The following ACYP2 variants were observed in gnomAD, a reference collection of about 807,000 sequenced individuals.
The protein encoded by ACYP2 is acylphosphatase 2.
ACYP2 carries 12 observed loss-of-function variants against 11.2 expected under a neutral mutation model. The ratio of observed to expected loss-of-function variants is 1.08; its 90% confidence interval spans 0.69 to 1.74. The LOEUF (loss-of-function observed/expected upper bound fraction) is 1.74, where lower values mean the gene tolerates loss of function less well. Among genes scored for constraint, ACYP2 ranks in the 40% most tolerant of loss-of-function variants. ACYP2 has a pLI of 0.00. For synonymous variants in ACYP2, 43 were observed against 32.2 expected (o/e 1.33, Z -1.13); for missense variants, 134 against 101.9 (o/e 1.31, Z -1.35).
intron 5 of ACYP2, 42 bp from the exon 3 acceptor site, chr2:54,138,597 T>C (rs2103782930): frequency 6.6e-7 from 1 of 1,509,112 alleles, no homozygotes; most frequent in South Asian, 1.2e-5. Flanking sequence ...AACTCAGACT[T>C]TTGATGCTGC....
chr2:54,257,344 C>CA (rs1447775478), intron 6 of ACYP2, among the ~76,000 whole-genome samples: 1 of 152,118 alleles, frequency 6.6e-6, no homozygotes, highest in African/African-American at 2.4e-5. Context: ...CTAATTGACC[C>CA]AGCACTGTTT....
chr2:54,048,096 T>C (rs1397340695), intron 2 of ACYP2, among the ~76,000 whole-genome samples: 2 of 152,206 alleles, frequency 1.3e-5, no homozygotes, highest in Admixed American at 6.5e-5. Context: ...CATTTAGAGA[T>C]GATTTTTCCT....
chr2:54,160,869 TG>T (rs1682680217), intron 6 of ACYP2, among the ~76,000 whole-genome samples: 2 of 152,148 alleles, frequency 1.3e-5, no homozygotes, highest in African/African-American at 4.8e-5. Context: ...GAAGGGAGAT[TG>T]GAATCAAGGA....
At chr2:54,246,109 G>T (rs1339869768) in intron 6 of ACYP2, among the ~76,000 whole-genome samples, 1 of 152,112 alleles carries the variant, frequency 6.6e-6, no homozygotes, top group African/African-American at 2.4e-5. Context: ...TTATTGAAAA[G>T]ATTGTTCTTT....
intron 4 of ACYP2, among the ~76,000 whole-genome samples, chr2:54,081,880 G>A (rs1173164471): frequency 2.0e-5 from 3 of 152,190 alleles, no homozygotes; most frequent in African/African-American, 4.8e-5. Context: ...GCGGTTGGCT[G>A]GCTTATCAGC....
At chr2:54,199,039 C>T (rs778801828) in intron 6 of ACYP2, among the ~76,000 whole-genome samples, 1 of 152,142 alleles carries the variant, frequency 6.6e-6, no homozygotes, top group Non-Finnish European at 1.5e-5. Context: ...GGAAGTAACA[C>T]AAATAAGAGA....
At chr2:54,003,115 A>AT (rs1262355599) in intron 2 of ACYP2, among the ~76,000 whole-genome samples, 1 of 151,548 alleles carries the variant, frequency 6.6e-6, no homozygotes, top group African/African-American at 2.4e-5. Context: ...TGCACAGCTA[A>AT]TTTTTTTATT....
intron 6 of ACYP2, among the ~76,000 whole-genome samples, chr2:54,266,208 A>G (rs1442170296): frequency 6.6e-6 from 1 of 152,236 alleles, no homozygotes; most frequent in Non-Finnish European, 1.5e-5. Context: ...TTTTAGTATT[A>G]CTTGTGAATA....
chr2:54,287,971 G>A (rs1253227714), intron 6 of ACYP2, among the ~76,000 whole-genome samples: 1 of 151,874 alleles, frequency 6.6e-6, no homozygotes, highest in Non-Finnish European at 1.5e-5. Context: ...TGATTGTCTT[G>A]GAGAACATAA....
At chr2:54,250,541 T>C (rs933734669) in intron 6 of ACYP2, among the ~76,000 whole-genome samples, 13 of 152,094 alleles carry the variant, frequency 8.5e-5, no homozygotes, top group Admixed American at 5.9e-4. Flanking sequence ...AAAGAGAAAA[T>C]TGTGCCACTG....
chr2:54,100,088 CT>C (rs1678812868), intron 4 of ACYP2, among the ~76,000 whole-genome samples: 1 of 152,158 alleles, frequency 6.6e-6, no homozygotes, highest in African/African-American at 2.4e-5. Context: ...GTATCACATA[CT>C]CTTTTCTGTA....
intron 6 of ACYP2, among the ~76,000 whole-genome samples, chr2:54,243,726 C>T (rs772873958): frequency 4.6e-5 from 7 of 152,026 alleles, no homozygotes; most frequent in African/African-American, 2.4e-5. Flanking sequence ...CATGCCACCA[C>T]GGCTGGTTAA....
chr2:54,054,451 C>G (rs1328730389), intron 3 of ACYP2, among the ~76,000 whole-genome samples: 1 of 152,188 alleles, frequency 6.6e-6, no homozygotes, highest in African/African-American at 2.4e-5. Context: ...TGATATTCTG[C>G]TGACAGATTG....
At chr2:54,002,181 C>A (rs1162766183) in intron 2 of ACYP2, among the ~76,000 whole-genome samples, 1 of 152,196 alleles carries the variant, frequency 6.6e-6, no homozygotes, top group African/African-American at 2.4e-5. Flanking sequence ...TCTCCCTTAA[C>A]ACCTGGCAAC....
intron 2 of ACYP2, among the ~76,000 whole-genome samples, chr2:53,982,116 G>A (rs1240568272): frequency 2.0e-5 from 3 of 151,200 alleles, no homozygotes; most frequent in Non-Finnish European, 4.4e-5. Flanking sequence ...AATAACTAAT[G>A]CACAAAGAGG....
chr2:54,145,337 C>G (rs1558567765), intron 6 of ACYP2, among the ~76,000 whole-genome samples: 2 of 152,148 alleles, frequency 1.3e-5, no homozygotes, highest in Non-Finnish European at 2.9e-5. Context: ...CTGCAAGTAA[C>G]AGGATACCTG....
chr2:54,248,069 AAC>A (rs1387844996), intron 6 of ACYP2, among the ~76,000 whole-genome samples: 3 of 152,216 alleles, frequency 2.0e-5, no homozygotes, highest in African/African-American at 7.2e-5. Context: ...AACTTTTATT[AAC>A]TTAAAGAATA....
chr2:54,123,298 A>C (rs1680265188), intron 4 of ACYP2: 1 of 398,450 alleles, frequency 2.5e-6, no homozygotes, highest in South Asian at 1.3e-4. Context: ...TACTTGCCGT[A>C]CTTCAAGAGG....
At chr2:54,029,602 CTT>C in intron 2 of ACYP2, 1 of 384,560 alleles carries the variant, frequency 2.6e-6, no homozygotes, top group Non-Finnish European at 5.0e-6. Context: ...GTAACTTTCT[CTT>C]TGGCTTCCTT....
Sources: allele counts gnomAD v4.1 joint callset (sites outside exome capture counted in the v4.1 genomes callset), GRCh38; gene constraint gnomAD v4.1.1; transcripts MANE v1.5; gene names NCBI Gene and HGNC (gene_info 2026-07-23, HGNC 2026-07-21).